Variants in KIAA0586 observed in about 807,000 individuals in gnomAD.
The protein encoded by KIAA0586 is protein TALPID3.
KIAA0586 carries 144 observed loss-of-function variants against 169.8 expected under a neutral mutation model. The observed-to-expected ratio is 0.85, with a 90% confidence interval of 0.74 to 0.97. The LOEUF (loss-of-function observed/expected upper bound fraction) is 0.97. Ranked by LOEUF, KIAA0586 falls within the 50% of genes least tolerant of loss-of-function variation. KIAA0586 has a pLI of 0.00. For missense variants in KIAA0586, 1,854 were observed against 1,823.0 expected, an observed-to-expected ratio of 1.02 and a Z score of -0.31; for synonymous variants, 625 against 612.4, an observed-to-expected ratio of 1.02 and a Z score of -0.30.
the KIAA0586 span, among the ~76,000 whole-genome samples, chr14:58,561,130 T>C: frequency 6.6e-6 from 1 of 152,240 alleles, no homozygotes; most frequent in African/African-American, 2.4e-5. Context: ...TTTTAGAAAG[T>C]ACATCATTAT....
intron 14 of KIAA0586, 88 bp downstream of exon 14, chr14:58,461,248 C>A: frequency 1.1e-6 from 1 of 874,970 alleles, no homozygotes; most frequent in Non-Finnish European, 1.6e-6. Context: ...TTATTTATTG[C>A]TTATACGTGC....
chr14:58,518,123 A>G (rs1011782832), intron 29 of KIAA0586, among the ~76,000 whole-genome samples: 2 of 152,206 alleles, frequency 1.3e-5, no homozygotes, highest in East Asian at 1.9e-4. Context: ...AATGATGTAC[A>G]TATTACTAAG....
the KIAA0586 span, among the ~76,000 whole-genome samples, chr14:58,560,431 A>G: frequency 1.3e-5 from 2 of 152,232 alleles, no homozygotes; most frequent in African/African-American, 4.8e-5. Flanking sequence ...GGAAAGTATC[A>G]GCTGAAGTGC....
intron 18 of KIAA0586, among the ~76,000 whole-genome samples, chr14:58,473,714 T>G (rs1367552625): frequency 1.3e-5 from 2 of 152,140 alleles, no homozygotes; most frequent in Non-Finnish European, 2.9e-5. Context: ...AGGACCAGCC[T>G]GGCCAAGATG....
At chr14:58,561,646 A>G in the KIAA0586 span, among the ~76,000 whole-genome samples, 1 of 152,230 alleles carries the variant, frequency 6.6e-6, no homozygotes, top group African/African-American at 2.4e-5. Flanking sequence ...ATTAAGATAT[A>G]GAGAAGTGAG....
rs1408440501 is a variant in KIAA0586, at chr14:58,537,035, G to A, written c.4430-3036G>A. 2.4e-6 allele frequency: 3 copies of A among 1,270,452 alleles called. No individual in the cohort carries two copies. The African/African-American group carries it at 4.6e-5, about 20-fold the overall frequency. 78.7% of individuals were successfully genotyped at this position (1,270,452 alleles called of 1,614,324 possible). ...TGATCAGCAGGATAAAGAATTGTAA[G>A]AACTGACAAACTTGAGAAGCAGTTT... On this transcript the variant is annotated intron_variant, in intron 29 of 30. Transcript: ENST00000652326.
chr14:58,460,649 A>G (rs2040247115), intron 13 of KIAA0586, among the ~76,000 whole-genome samples: 1 of 152,170 alleles, frequency 6.6e-6, no homozygotes, highest in African/African-American at 2.4e-5. Context: ...TCAGAAATAT[A>G]TAAAATTATT....
the KIAA0586 span, among the ~76,000 whole-genome samples, chr14:58,560,136 G>A: frequency 7.1e-5 from 10 of 140,588 alleles, no homozygotes; most frequent in African/African-American, 2.8e-4. Flanking sequence ...GGGCAACACA[G>A]CAAGACTCCA....
chr14:58,507,518 C>A (rs1025489779), intron 27 of KIAA0586, among the ~76,000 whole-genome samples: 61 of 151,546 alleles, frequency 4.0e-4, no homozygotes, highest in African/African-American at 1.4e-3. Context: ...TGACTTAATT[C>A]CTCTGTGCTT....
intron 29 of KIAA0586, chr14:58,522,025 A>G: frequency 8.4e-7 from 1 of 1,193,336 alleles, no homozygotes; most frequent in South Asian, 1.2e-5. Context: ...TTATCCCATC[A>G]TTTCTTTACG....
At chr14:58,486,069 A>G (rs187752987) in intron 21 of KIAA0586, among the ~76,000 whole-genome samples, 1 of 152,286 alleles carries the variant, frequency 6.6e-6, no homozygotes, top group Admixed American at 6.5e-5. Flanking sequence ...AGTACCCAAA[A>G]GTAGTTTTTC....
chr14:58,525,879 GGGGC>G (rs1252124624), intron 29 of KIAA0586, among the ~76,000 whole-genome samples: 3 of 152,190 alleles, frequency 2.0e-5, no homozygotes, highest in Non-Finnish European at 4.4e-5. Context: ...GGTCGGGGGA[GGGGC>G]GTCCGCCATT....
intron 16 of KIAA0586, among the ~76,000 whole-genome samples, chr14:58,469,247 G>C (rs1393913967): frequency 6.6e-6 from 1 of 152,218 alleles, no homozygotes; most frequent in Admixed American, 6.5e-5. Flanking sequence ...TGTTAGGGCT[G>C]AGGCAGTCAA....
intron 26 of KIAA0586, among the ~76,000 whole-genome samples, chr14:58,496,436 A>G (rs1182586832): frequency 1.3e-5 from 2 of 152,224 alleles, no homozygotes; most frequent in Non-Finnish European, 2.9e-5. Context: ...TAATATAGGC[A>G]TTGTGAAATA....
intron 16 of KIAA0586, among the ~76,000 whole-genome samples, chr14:58,468,265 G>A (rs1743715): frequency 0.98 from 148,656 of 152,192 alleles, 72,694 homozygotes; most frequent in Non-Finnish European, 1. Context: ...GGCCAGGCTT[G>A]TCTCAAACTC....
At chr14:58,430,502 G>A (rs1249267870) in intron 2 of KIAA0586, 146 bp from the exon 3 acceptor site, 1 of 542,420 alleles carries the variant, frequency 1.8e-6, no homozygotes, top group African/African-American at 2.0e-5. Context: ...AGGTACATCA[G>A]AATTGCATGA....
chr14:58,487,111 C>A lies in KIAA0586; in HGVS notation c.3249C>A (p.Pro1083=). 6.2e-7 allele frequency: 1 copy of A among 1,613,682 alleles called. No individual in the cohort carries two copies. Among genetic ancestry groups the A allele is most frequent in the Non-Finnish European group, 8.5e-7 (1 of 1,179,672 alleles). The change falls in exon 22 of 31, where the codon CCC becomes CCA. Residue 1083 remains proline, a synonymous_variant. Coordinates refer to ENST00000652326, the MANE Select transcript of KIAA0586 (RefSeq NM_001329943.3). ...CVLVKTPDSS[P]CDSDHDMAFP... is the part of the protein sequence containing the mutation. ...TGGTAAAGACTCCAGATTCTTCTCC[C>A]TGTGATTCGGATCATGATATGGCTT...
chr14:58,462,119 T>G (rs1364132320), intron 14 of KIAA0586, among the ~76,000 whole-genome samples: 1 of 152,208 alleles, frequency 6.6e-6, no homozygotes, highest in African/African-American at 2.4e-5. Context: ...GGTTATGCAA[T>G]CATATACAGT....
intron 26 of KIAA0586, among the ~76,000 whole-genome samples, chr14:58,492,540 A>G (rs1019774648): frequency 2.6e-5 from 4 of 152,230 alleles, no homozygotes; most frequent in Admixed American, 6.5e-5. Context: ...AGTATCCATT[A>G]TATGCCAGAC....
Sources: allele counts gnomAD v4.1 joint callset (sites outside exome capture counted in the v4.1 genomes callset), GRCh38; gene constraint gnomAD v4.1.1; transcripts MANE v1.5; gene names NCBI Gene and HGNC (gene_info 2026-07-23, HGNC 2026-07-21).